The following PHKA2 variants were observed in gnomAD, a reference collection of about 807,000 sequenced individuals.
The protein encoded by PHKA2 is phosphorylase kinase regulatory subunit alpha 2, also known as phosphorylase b kinase regulatory subunit alpha, liver isoform.
Under a neutral mutation model 102.0 loss-of-function variants are expected in PHKA2, and 31 were observed. The ratio of observed to expected loss-of-function variants is 0.30; its 90% CI spans 0.23 to 0.41. The LOEUF is 0.41. PHKA2 is among the 10% of genes least tolerant of loss of function. The pLI is 1.00. For synonymous variants in PHKA2, 455 were observed against 416.2 expected, an observed-to-expected ratio of 1.09 and a Z score of -1.13; for missense variants, 858 against 1,023.1, an observed-to-expected ratio of 0.84 and a Z score of 2.20.
intron 29 of PHKA2, 23 bp from the exon 30 acceptor site, chrX:18,897,356 C>A (rs1198929499): frequency 2.5e-6 from 3 of 1,193,087 alleles, no homozygotes; most frequent in Non-Finnish European, 3.4e-6. Context: ...CAGCTTGGGG[C>A]CTCAGAAGCC....
intron 22 of PHKA2, among the ~76,000 whole-genome samples, chrX:18,907,429 G>A (rs990020742): frequency 1.8e-5 from 2 of 112,253 alleles, no homozygotes; most frequent in Non-Finnish European, 3.8e-5. Context: ...CGAAGATACC[G>A]ATGGTAAGAG....
intron 28 of PHKA2, 117 bp downstream of exon 28, chrX:18,900,553 T>C: frequency 1.5e-6 from 1 of 671,208 alleles, no homozygotes; most frequent in South Asian, 2.2e-5. Flanking sequence ...CCCCAGCCCG[T>C]TTGCTGGATA....
chrX:18,940,734 G>C (rs762430893), intron 8 of PHKA2, among the ~76,000 whole-genome samples: 87 of 111,721 alleles, frequency 7.8e-4, no homozygotes, highest in African/African-American at 2.8e-3. Flanking sequence ...CTCTCGCGAG[G>C]GTCATGGAGG....
chrX:18,917,260 C>CT (rs745473312), intron 19 of PHKA2, among the ~76,000 whole-genome samples: 1,166 of 96,431 alleles, frequency 0.012, 11 homozygotes, highest in Middle Eastern at 0.033. Flanking sequence ...AAAAAAATGT[C>CT]TTTTTTTTTT....
rs1271444382 is a variant in PHKA2 at position 18,924,499 on chromosome X, C to A, written c.1596G>T (p.Leu532=). The A allele has an allele frequency of 1.7e-6, 2 of 1,211,132 alleles. No homozygotes were observed. The highest frequency in any genetic ancestry group is 2.2e-6 in the Non-Finnish European group (2 of 894,974). ...CCACGATCATCTCATTGTCGAGGGC[C>A]AGGTAGAAGTGATGCTGGTCGGTGA... ...PQFTDQHHFY[L]ALDNEMIVEM... Residue 532 remains leucine, a synonymous_variant, in exon 16 of 33, where the codon CTG becomes CTT. Coordinates refer to ENST00000379942, the MANE Select transcript of PHKA2 (RefSeq NM_000292.3).
intron 12 of PHKA2, among the ~76,000 whole-genome samples, chrX:18,929,735 T>C (rs2048281573): frequency 8.9e-6 from 1 of 111,963 alleles, no homozygotes; most frequent in Non-Finnish European, 1.9e-5. Context: ...AGTTTTCCTC[T>C]GACCTTCTCC....
Position 18,924,240 on chromosome X carries a change from G to C in PHKA2, c.1715-106C>G, listed in dbSNP as rs2048174108. 3.3e-6 allele frequency: 3 copies of C among 910,507 alleles called. No individual in the cohort carries two copies. The African/African-American group carries it at 5.8e-5, about 18-fold the overall frequency. 75.0% of individuals were successfully genotyped at this position (910,507 alleles called of 1,213,427 possible). On this transcript the variant is annotated intron_variant, in intron 16 of 32. Coordinates refer to ENST00000379942, the MANE Select transcript of PHKA2 (RefSeq NM_000292.3). ...ATCTAATTAAAATATTTCTGGCATA[G>C]AAGATTCCCGAGATAAGAAACCAAA...
At chrX:18,924,553 G>T (rs2048181886) in intron 15 of PHKA2, 28 bp from the exon 16 acceptor site, 2 of 1,199,723 alleles carry the variant, frequency 1.7e-6, no homozygotes, top group Non-Finnish European at 1.1e-6. Context: ...CTGGGTAAAC[G>T]GCCACCCTTT....
chrX:18,922,920 T>G (rs774550687), intron 17 of PHKA2, among the ~76,000 whole-genome samples: 13 of 110,172 alleles, frequency 1.2e-4, no homozygotes, highest in African/African-American at 3.6e-4. Flanking sequence ...GGTGAGAGGA[T>G]GTGAGAAGAA....
At position 18,899,059 on chromosome X, in the gene PHKA2, G is replaced by A. The variant is rs1177713419; in HGVS notation, c.3111+114C>T. On this transcript the variant is annotated intron_variant, in intron 29 of 32. Coordinates refer to ENST00000379942, the MANE Select transcript of PHKA2 (RefSeq NM_000292.3). ...AGTTGGAGGAGCCTGTGAGCATCCCGCTGAAAACACTTCAGCCCTGCTCGA... is the reference window on the plus strand; with the variant it reads ...AGTTGGAGGAGCCTGTGAGCATCCCACTGAAAACACTTCAGCCCTGCTCGA... The A allele has an allele frequency of 1.5e-5, 10 of 649,488 alleles. No individual in the cohort carries two copies. In the East Asian group the frequency reaches 2.0e-4, roughly 13 times the overall value. 53.5% of individuals were successfully genotyped at this position (649,488 alleles called of 1,213,427 possible).
At chrX:18,979,016 A>G (rs1161886614) in intron 1 of PHKA2, among the ~76,000 whole-genome samples, 1 of 110,004 alleles carries the variant, frequency 9.1e-6, no homozygotes, top group Non-Finnish European at 1.9e-5. Flanking sequence ...CACACCTGTA[A>G]TCCCAGCTAC....
chrX:18,923,988 A>G, intron 17 of PHKA2, 68 bp downstream of exon 17: 1 of 727,796 alleles, frequency 1.4e-6, no homozygotes, highest in Non-Finnish European at 2.2e-6. Flanking sequence ...AAAATGGGAC[A>G]AGGGCAGCAA....
chrX:18,923,918 A>T, intron 17 of PHKA2, 138 bp downstream of exon 17: 1 of 535,953 alleles, frequency 1.9e-6, no homozygotes, highest in Admixed American at 2.6e-5. Flanking sequence ...TGGATTAGAG[A>T]AGTGTTACCT....
At chrX:18,927,215 G>T in intron 13 of PHKA2, among the ~76,000 whole-genome samples, 1 of 112,207 alleles carries the variant, frequency 8.9e-6, no homozygotes, top group Admixed American at 9.3e-5. Context: ...CATCTCTGGT[G>T]GGAGAGGCTG....
intron 4 of PHKA2, 76 bp from the exon 5 acceptor site, chrX:18,948,902 A>T (rs2048630633): frequency 2.9e-6 from 2 of 680,929 alleles, no homozygotes; most frequent in Non-Finnish European, 4.7e-6. Context: ...ATATCACACT[A>T]GGAAATAAAC....
intron 19 of PHKA2, 116 bp downstream of exon 19, chrX:18,918,565 A>G: frequency 1.5e-6 from 1 of 666,017 alleles, no homozygotes; most frequent in East Asian, 3.3e-5. Context: ...CTCTAAGTAG[A>G]AGCACGTGGG....
rs2047516075 is a variant in PHKA2 at position 18,895,176 on chromosome X, T to C, written c.3298A>G (p.Ile1100Val). ...GAGGATGGGAGGACATAACCATCGA[T>C]GGAGAGACCGTGGCACTGGAGGCAG... ...KILQKCHGLS[I>V]DGYVLPSSTT... Residue 1100 changes from isoleucine (I) to valine (V), a missense_variant, in exon 31 of 33, where the codon ATC (isoleucine) becomes GTC (valine). Transcript: ENST00000379942. 2 of 1,209,453 alleles carry C rather than the reference T, an allele frequency of 1.7e-6. No individual in the cohort carries two copies. Among genetic ancestry groups the C allele is most frequent in the Non-Finnish European group, 2.2e-6 (2 of 894,609 alleles).
Position 18,943,746 on chromosome X carries a change from C to G in PHKA2, c.681G>C (p.Val227=), listed in dbSNP as rs762832828. The G allele has an allele frequency of 1.1e-4, 130 of 1,208,996 alleles. No homozygotes were observed. The highest frequency in any genetic ancestry group is 1.4e-4 in the Non-Finnish European group (128 of 894,224). ...CGACCTCATCTGGCAGAACATGAAT[C>G]ACTGACTTGCGTCCTCCATGGGCTC... ...LFGAHGGRKS[V]IHVLPDEVEH... is the part of the protein sequence containing the mutation. Residue 227 remains valine (V), a synonymous_variant, in exon 7 of 33, where the codon GTG becomes GTC. Transcript: ENST00000379942.
At chrX:18,924,328 A>G in intron 16 of PHKA2, 53 bp downstream of exon 16, 2 of 1,181,463 alleles carry the variant, frequency 1.7e-6, no homozygotes, top group Non-Finnish European at 2.3e-6. Context: ...CATTTGTAAG[A>G]GCCCAAACCA....
Sources: allele counts gnomAD v4.1 joint callset (sites outside exome capture counted in the v4.1 genomes callset), GRCh38; gene constraint gnomAD v4.1.1; transcripts MANE v1.5; gene names NCBI Gene and HGNC (gene_info 2026-07-23, HGNC 2026-07-21).